The following NAALADL2 variants were observed in gnomAD, a reference collection of about 807,000 sequenced individuals.
NAALADL2 encodes inactive N-acetylated-alpha-linked acidic dipeptidase-like protein 2.
A neutral mutation model predicts 87.2 loss-of-function variants in NAALADL2; 76 were observed. The observed-to-expected ratio is 0.87, with a 90% confidence interval of 0.72 to 1.05. The LOEUF (loss-of-function observed/expected upper bound fraction) is 1.05, where lower values mean the gene tolerates loss of function less well. NAALADL2 is among the 50% of genes least tolerant of loss of function. The probability of loss-of-function intolerance (pLI) is 0.00; values close to 1 mark genes in which losing one functional copy is unlikely to be tolerated. For synonymous variants in NAALADL2, 354 were observed against 331.0 expected (o/e 1.07, Z -0.75); for missense variants, 1,089 against 945.8 (o/e 1.15, Z -1.99).
intron 9 of NAALADL2, among the ~76,000 whole-genome samples, chr3:175,503,054 G>A (rs1327974097): frequency 6.6e-6 from 1 of 151,866 alleles, no homozygotes; most frequent in East Asian, 1.9e-4. Flanking sequence ...GTACTGGATA[G>A]GTGGTTTTTC....
At chr3:174,561,704 T>C (rs545213989) in intron 2 of NAALADL2, among the ~76,000 whole-genome samples, 2 of 152,274 alleles carry the variant, frequency 1.3e-5, no homozygotes, top group South Asian at 4.1e-4. Flanking sequence ...GAAGCCTGAC[T>C]AGAGATGCCA....
At chr3:175,496,490 C>A (rs1185969068) in intron 9 of NAALADL2, among the ~76,000 whole-genome samples, 1 of 151,920 alleles carries the variant, frequency 6.6e-6, no homozygotes, top group Non-Finnish European at 1.5e-5. Context: ...AGATGCACAC[C>A]AATTTCATAT....
In NAALADL2 at chr3:174,715,952, A is replaced by C. The variant is rs114256855; in HGVS notation, c.-114-21689A>C. On this transcript the variant is annotated intron_variant, in intron 2 of 3. Transcript: ENST00000434257. ...GAATATGAATGGCATAATTCATTACATTTTTTTCTTTCCTTTGATTGCTAA... is the reference window on the plus strand; with the variant it reads ...GAATATGAATGGCATAATTCATTACCTTTTTTTCTTTCCTTTGATTGCTAA... 6.2e-3 allele frequency among the ~76,000 whole-genome samples: 938 copies of C among 151,960 alleles called. 6 individuals are homozygous for C. The highest frequency in any genetic ancestry group is 0.022 in the African/African-American group (892 of 41,434).
chr3:175,401,295 A>G (rs932454141), intron 5 of NAALADL2, among the ~76,000 whole-genome samples: 2 of 152,124 alleles, frequency 1.3e-5, no homozygotes, highest in Non-Finnish European at 2.9e-5. Flanking sequence ...TTGTGGAACA[A>G]TCCTGCCCTA....
chr3:174,978,680 G>A (rs73176717), intron 1 of NAALADL2, among the ~76,000 whole-genome samples: 2 of 152,256 alleles, frequency 1.3e-5, no homozygotes, highest in Non-Finnish European at 1.5e-5. Context: ...TCCAAATGTG[G>A]CTGAGGTAAA....
At chr3:174,818,887 C>A (rs1721089579) in intron 3 of NAALADL2, among the ~76,000 whole-genome samples, 1 of 152,010 alleles carries the variant, frequency 6.6e-6, no homozygotes, top group African/African-American at 2.4e-5. Flanking sequence ...GCCCTTGCTT[C>A]AAACTGAGCA....
intron 5 of NAALADL2, among the ~76,000 whole-genome samples, chr3:175,327,331 A>AT (rs2110467480): frequency 6.6e-6 from 1 of 151,556 alleles, no homozygotes; most frequent in South Asian, 2.1e-4. Flanking sequence ...AATTTTTTGT[A>AT]TTTTTAGTAG....
At chr3:175,357,679 A>G (rs1764546746) in intron 5 of NAALADL2, among the ~76,000 whole-genome samples, 1 of 152,168 alleles carries the variant, frequency 6.6e-6, no homozygotes, top group Admixed American at 6.6e-5. Flanking sequence ...ACCTAACAAG[A>G]TATGTCAGAG....
At chr3:174,511,590 T>A (rs1056335141) in intron 1 of NAALADL2, among the ~76,000 whole-genome samples, 21 of 151,970 alleles carry the variant, frequency 1.4e-4, no homozygotes, top group Non-Finnish European at 2.7e-4. Flanking sequence ...TAGTTTTTTT[T>A]AATTCAATTT....
chr3:175,466,600 T>C (rs924127255), intron 7 of NAALADL2, among the ~76,000 whole-genome samples: 4 of 152,206 alleles, frequency 2.6e-5, no homozygotes, highest in Non-Finnish European at 5.9e-5. Flanking sequence ...CCTTCTTAAA[T>C]GTATTAATAG....
At chr3:174,573,487 G>A (rs1440085111) in intron 2 of NAALADL2, among the ~76,000 whole-genome samples, 2 of 152,072 alleles carry the variant, frequency 1.3e-5, no homozygotes, top group African/African-American at 4.8e-5. Context: ...CCATTTTTGT[G>A]TTGCTGTAAA....
intron 9 of NAALADL2, among the ~76,000 whole-genome samples, chr3:175,557,037 T>C (rs904845272): frequency 6.6e-6 from 1 of 152,182 alleles, no homozygotes; most frequent in Admixed American, 6.5e-5. Context: ...GAAATGTACA[T>C]AAAAGTGAAC....
chr3:175,097,063 A>C lies in NAALADL2; in HGVS notation c.317A>C (p.Tyr106Ser). ...CAGAGACTTCAAGAAGAATCTGACT[A>C]CATTACCCATTATACACGATCTGCA... ...RFQRLQEESD[Y>S]ITHYTRSAPK... The change falls in exon 2 of 14, where the codon TAC becomes TCC. Residue 106 changes from tyrosine (Y) to serine (S), a missense_variant. By Grantham distance (144) the Tyr-to-Ser change is moderately radical (BLOSUM62 -2). Transcript: ENST00000454872. 1 of 1,613,794 alleles carries C rather than the reference A, an allele frequency of 6.2e-7. No individual in the cohort carries two copies. The highest frequency in any genetic ancestry group is 8.5e-7 in the Non-Finnish European group (1 of 1,179,754).
chr3:174,509,430 T>C (rs1205528332), intron 1 of NAALADL2, among the ~76,000 whole-genome samples: 1 of 138,758 alleles, frequency 7.2e-6, no homozygotes, highest in Non-Finnish European at 1.5e-5. Context: ...TGAGACGGAG[T>C]CTTGCTCTGT....
chr3:175,638,420 G>A (rs1728837954), intron 11 of NAALADL2, among the ~76,000 whole-genome samples: 1 of 152,080 alleles, frequency 6.6e-6, no homozygotes, highest in Non-Finnish European at 1.5e-5. Context: ...TCCTTCAGAG[G>A]GCCCTAGGGA....
chr3:175,215,399 C>T lies in NAALADL2; in HGVS notation c.546-18532C>T, dbSNP rs953183715. Among the ~76,000 whole-genome samples the T allele has an allele frequency of 3.9e-5, 6 of 152,082 alleles. No homozygotes were observed. In the South Asian group the frequency reaches 1.2e-3, roughly 32 times the overall value. ...CACGATAGCATTTTTCCATACATGT[C>T]TTGCTCTTCTATGTCCGGGAGCTGA... On this transcript the variant is annotated intron_variant, in intron 2 of 13. Coordinates refer to ENST00000454872, the MANE Select transcript of NAALADL2 (RefSeq NM_207015.3).
chr3:175,109,729 T>A (rs189055351), intron 2 of NAALADL2, among the ~76,000 whole-genome samples: 1 of 151,792 alleles, frequency 6.6e-6, no homozygotes, highest in Non-Finnish European at 1.5e-5. Context: ...AACTAACTGG[T>A]TGTCAGAGCC....
chr3:175,313,020 A>C lies in NAALADL2; in HGVS notation c.940-11155A>C, dbSNP rs577211131. Among the ~76,000 whole-genome samples the C allele has an allele frequency of 2.6e-5, 4 of 152,246 alleles. No individual in the cohort carries two copies. The East Asian group carries it at 5.8e-4, about 22-fold the overall frequency. ...GAAAAATTATTTTCTCACAGTTTGG[A>C]GTCAAGAAGTCCAAGATCAAAGGCT... On this transcript the variant is annotated intron_variant, in intron 4 of 13. Coordinates refer to ENST00000454872, the MANE Select transcript of NAALADL2 (RefSeq NM_207015.3).
At chr3:174,938,820 T>C (rs1423588235) in intron 1 of NAALADL2, among the ~76,000 whole-genome samples, 1 of 152,166 alleles carries the variant, frequency 6.6e-6, no homozygotes, top group African/African-American at 2.4e-5. Flanking sequence ...ACATGTCTTC[T>C]TTTACAAAGT....
Sources: allele counts gnomAD v4.1 joint callset (sites outside exome capture counted in the v4.1 genomes callset), GRCh38; gene constraint gnomAD v4.1.1; transcripts MANE v1.5; gene names NCBI Gene and HGNC (gene_info 2026-07-23, HGNC 2026-07-21).